The following RYR2 variants were observed in gnomAD, a reference collection of about 807,000 sequenced individuals.
RYR2 encodes ryanodine receptor 2, also known as cardiac muscle ryanodine receptor-calcium release channel.
In RYR2, 227 loss-of-function variants were observed where a neutral mutation model predicts 601.1. The ratio of observed to expected loss-of-function variants is 0.38; its 90% CI spans 0.34 to 0.42. The LOEUF is 0.42. RYR2 is among the 10% of genes least tolerant of loss of function. The pLI, the probability that RYR2 is intolerant of heterozygous loss-of-function variation, is 1.00. For synonymous variants in RYR2, 2,223 were observed against 2,175.1 expected (o/e 1.02, Z -0.61); for missense variants, 4,646 against 6,156.5 (o/e 0.75, Z 8.21).
chr1:237,445,313 T>C, intron 13 of RYR2, 88 bp from the exon 14 acceptor site: 8 of 1,535,434 alleles, frequency 5.2e-6, no homozygotes, highest in Non-Finnish European at 6.2e-6. Context: ...TCTGTTGTTA[T>C]GGCTCAGCTG....
chr1:237,732,686 A>C (rs1690794755), intron 78 of RYR2, among the ~76,000 whole-genome samples: 1 of 152,188 alleles, frequency 6.6e-6, no homozygotes, highest in South Asian at 2.1e-4. Context: ...CACAAAGGGC[A>C]AACCTCTCTG....
intron 2 of RYR2, among the ~76,000 whole-genome samples, chr1:237,319,492 G>A (rs747072176): frequency 1.3e-5 from 2 of 152,058 alleles, no homozygotes; most frequent in Non-Finnish European, 2.9e-5. Context: ...TTAGTAAATT[G>A]TCTGAGCTGA....
intron 1 of RYR2, among the ~76,000 whole-genome samples, chr1:237,194,749 C>T (rs893037104): frequency 3.9e-5 from 6 of 152,170 alleles, no homozygotes; most frequent in African/African-American, 1.4e-4. Context: ...CTCCTTGAGG[C>T]TGCCAAGAAA....
rs948921716 is a variant in RYR2, at chr1:237,081,614, C to T, written c.48+39045C>T. 2.0e-5 allele frequency among the ~76,000 whole-genome samples: 3 copies of T among 152,040 alleles called. No homozygotes were observed. In the East Asian group the frequency reaches 5.8e-4, roughly 29 times the overall value. On this transcript the variant is annotated intron_variant, in intron 1 of 104. Coordinates refer to ENST00000366574, the MANE Select transcript of RYR2 (RefSeq NM_001035.3). ...ATGTGTTACATATATGGCACACACACACATACGCACACACTCTCTCTCTCC... is the reference window on the plus strand; with the variant it reads ...ATGTGTTACATATATGGCACACACATACATACGCACACACTCTCTCTCTCC...
At chr1:237,258,010 A>C (rs914895989) in intron 1 of RYR2, among the ~76,000 whole-genome samples, 1 of 151,734 alleles carries the variant, frequency 6.6e-6, no homozygotes, top group African/African-American at 2.4e-5. Flanking sequence ...CTAAAAATAC[A>C]AAAAAAGATT....
At chr1:237,802,867 G>GT (rs1203816435) in intron 98 of RYR2, among the ~76,000 whole-genome samples, 3 of 152,194 alleles carry the variant, frequency 2.0e-5, no homozygotes, top group African/African-American at 7.2e-5. Context: ...TTGCTTTGTA[G>GT]TTTTTTTGTC....
Position 237,705,196 on chromosome 1 carries a change from G to A in RYR2, c.9450-17G>A, listed in dbSNP as rs575213280. On this transcript the variant is annotated splice_polypyrimidine_tract_variant and intron_variant, in intron 66 of 104. Transcript: ENST00000366574. Reference sequence around the variant, plus strand: ...TCACTTGGAAGACCTTAAAACATAAGCATTTTCCACTTATAGGCAACGTTC... The same window carrying A: ...TCACTTGGAAGACCTTAAAACATAAACATTTTCCACTTATAGGCAACGTTC... 38 of 1,601,952 alleles carry A rather than the reference G, an allele frequency of 2.4e-5. No homozygotes were observed. In the African/African-American group the frequency reaches 2.7e-4, roughly 11 times the overall value.
Position 237,709,101 on chromosome 1 carries a change from A to G in RYR2, c.10142+3A>G, listed in dbSNP as rs936725908. ...ATTAGATTTGTGGACTATAACAGGT[A>G]TGATCAAAAGTAATTTAGTAATTTC... On this transcript the variant is annotated splice_donor_region_variant and intron_variant, in intron 69 of 104. Coordinates refer to ENST00000366574, the MANE Select transcript of RYR2 (RefSeq NM_001035.3). 4 of 1,559,436 alleles carry G rather than the reference A, an allele frequency of 2.6e-6. No homozygotes were observed. Among genetic ancestry groups the G allele is most frequent in the East Asian group, 2.3e-5 (1 of 44,242 alleles).
At chr1:237,803,311 C>CTTT (rs10637217) in intron 98 of RYR2, among the ~76,000 whole-genome samples, 19,451 of 147,866 alleles carry the variant, frequency 0.13, 1,559 homozygotes, top group African/African-American at 0.22. Context: ...TTGCATTTTT[C>CTTT]TTTTTTTTTT....
intron 1 of RYR2, among the ~76,000 whole-genome samples, chr1:237,218,379 C>T (rs535092453): frequency 1.3e-5 from 2 of 152,184 alleles, no homozygotes; most frequent in East Asian, 3.9e-4. Context: ...ACCTACTGTG[C>T]ACCACACTGA....
At chr1:237,130,484 T>C (rs1672042067) in intron 1 of RYR2, among the ~76,000 whole-genome samples, 1 of 152,086 alleles carries the variant, frequency 6.6e-6, no homozygotes, top group South Asian at 2.1e-4. Flanking sequence ...GAGGCTGAGG[T>C]AGGTGGATCA....
At position 237,078,079 on chromosome 1, in the gene RYR2, G is replaced by A. The variant is rs1201090495; in HGVS notation, c.48+35510G>A. ...AATAAAGATGTTCTTTGAAACCAAC[G>A]AGAACAAAGACACCACATACCAGAA... On this transcript the variant is annotated intron_variant, in intron 1 of 104. Transcript: ENST00000366574. Among the ~76,000 whole-genome samples, 5 of 40,648 alleles carry A rather than the reference G, an allele frequency of 1.2e-4. No individual in the cohort carries two copies. In the South Asian group the frequency reaches 4.8e-3, roughly 39 times the overall value. 26.7% of individuals were successfully genotyped at this position (40,648 alleles called of 152,430 possible). A position where few individuals can be genotyped will look rare whatever the true frequency, so the allele number is the denominator to read the frequency against.
At chr1:237,641,086 C>A in intron 47 of RYR2, 84 bp downstream of exon 47, 1 of 823,150 alleles carries the variant, frequency 1.2e-6, no homozygotes, top group Non-Finnish European at 1.8e-6. Flanking sequence ...TAACAGCATC[C>A]AAAACCAATA....
chr1:237,771,382 G>C (rs893329924), intron 85 of RYR2, among the ~76,000 whole-genome samples: 1 of 150,566 alleles, frequency 6.6e-6, no homozygotes, highest in Non-Finnish European at 1.5e-5. Context: ...CTGCACTGGA[G>C]CTTAGGCAAC....
rs1676293299 is a variant in RYR2, at chr1:237,599,795, TG to T, written c.4597-2229del. Among the ~76,000 whole-genome samples, 5 of 114,530 alleles carry T rather than the reference TG, an allele frequency of 4.4e-5. No homozygotes were observed. In the South Asian group the frequency reaches 1.4e-3, roughly 32 times the overall value. The allele number at this position is 114,530 out of a possible 152,430, so 75.1% of individuals were successfully genotyped here. A position where few individuals can be genotyped will look rare whatever the true frequency, so the allele number is the denominator to read the frequency against. ...CTGAGCTCCAGCCTGGGTGACAGAG[TG>T]AGACTCCATCTCAAAAAAAAAAAAA... On this transcript the variant is annotated intron_variant, in intron 34 of 104. Coordinates refer to ENST00000366574, the MANE Select transcript of RYR2 (RefSeq NM_001035.3).
chr1:237,692,669 G>A (rs544059927), intron 63 of RYR2, among the ~76,000 whole-genome samples: 28 of 152,226 alleles, frequency 1.8e-4, no homozygotes, highest in African/African-American at 5.8e-4. Context: ...ATTATCGCCT[G>A]AGTAAAGGAC....
At chr1:237,815,743 A>G (rs889382637) in intron 100 of RYR2, among the ~76,000 whole-genome samples, 9 of 152,196 alleles carry the variant, frequency 5.9e-5, no homozygotes, top group Non-Finnish European at 1.2e-4. Context: ...TGTCTTCAAC[A>G]TTACATGTCT....
chr1:237,627,672 A>G lies in RYR2; in HGVS notation c.6167-135A>G, dbSNP rs145484430. On this transcript the variant is annotated intron_variant, in intron 40 of 104. Transcript: ENST00000366574. ...ATCCAATGAAGGTTATTTTCTTCAA[A>G]GAATATCTAGAGCCTTTTCAAGCCT... is the stretch of plus-strand genomic sequence containing the variant. The G allele has an allele frequency of 7.6e-5, 65 of 860,488 alleles. No individual in the cohort carries two copies. In the African/African-American group the frequency reaches 1.0e-3, roughly 13 times the overall value. The allele number at this position is 860,488 out of a possible 1,614,324, so 53.3% of individuals were successfully genotyped here.
intron 58 of RYR2, among the ~76,000 whole-genome samples, chr1:237,672,538 G>T (rs1362761349): frequency 6.6e-6 from 1 of 152,174 alleles, no homozygotes; most frequent in African/African-American, 2.4e-5. Flanking sequence ...TATACAATGT[G>T]TAATGATCAA....
Sources: allele counts gnomAD v4.1 joint callset (sites outside exome capture counted in the v4.1 genomes callset), GRCh38; gene constraint gnomAD v4.1.1; transcripts MANE v1.5; gene names NCBI Gene and HGNC (gene_info 2026-07-23, HGNC 2026-07-21).